Variants in NDST1 observed in about 807,000 individuals in gnomAD.
NDST1 encodes the protein N-deacetylase and N-sulfotransferase 1.
NDST1 carries 35 observed loss-of-function variants against 92.8 expected under a neutral mutation model. That is an observed-to-expected ratio of 0.38 (90% CI 0.29 to 0.50). NDST1 has a LOEUF of 0.50. Among genes scored for constraint, NDST1 ranks in the 20% least tolerant of loss-of-function variants. NDST1 has a pLI of 0.94. For missense variants in NDST1, 822 were observed against 1,182.7 expected (o/e 0.69, Z 4.47); for synonymous variants, 493 against 500.3 (o/e 0.99, Z 0.19).
chr5:150,516,948 G>C (rs1324341812), intron 1 of NDST1, among the ~76,000 whole-genome samples: 5 of 151,844 alleles, frequency 3.3e-5, no homozygotes, highest in Admixed American at 2.6e-4. Context: ...TGACAGGCGT[G>C]AGCCACCACA....
chr5:150,545,255 C>T, intron 10 of NDST1, 57 bp from the exon 11 acceptor site: 1 of 1,598,626 alleles, frequency 6.3e-7, no homozygotes, highest in Non-Finnish European at 8.6e-7. Flanking sequence ...TGCTGCATTC[C>T]CTTAGCCCCC....
At chr5:150,542,419 A>G (rs1755286345) in intron 9 of NDST1, among the ~76,000 whole-genome samples, 1 of 152,202 alleles carries the variant, frequency 6.6e-6, no homozygotes, top group Non-Finnish European at 1.5e-5. Flanking sequence ...TTTCACATTA[A>G]CAGAACTGCA....
chr5:150,516,769 G>A (rs1753985628), intron 1 of NDST1, among the ~76,000 whole-genome samples: 1 of 152,186 alleles, frequency 6.6e-6, no homozygotes, highest in Non-Finnish European at 1.5e-5. Context: ...GGGTTCAAGT[G>A]ATTCTCTTGC....
Position 150,532,980 on chromosome 5 carries a change from C to T in NDST1, c.1044C>T (p.His348=). The part of the protein sequence containing the change: ...LFDTQNELRA[H]IPNFTFNLGY... ...ACACACAGAACGAACTACGCGCACACATCCCAAACTTCACCTTCAACCTGG... is the reference window on the plus strand; with the variant it reads ...ACACACAGAACGAACTACGCGCACATATCCCAAACTTCACCTTCAACCTGG... Residue 348 remains histidine (H), a synonymous_variant, in exon 4 of 15, where the codon CAC becomes CAT. Transcript: ENST00000261797. 6.2e-7 allele frequency: 1 copy of T among 1,614,244 alleles called. No individual in the cohort carries two copies. Among genetic ancestry groups the T allele is most frequent in the Non-Finnish European group, 8.5e-7 (1 of 1,180,042 alleles).
chr5:150,541,973 C>G (rs1208745878), intron 9 of NDST1, among the ~76,000 whole-genome samples: 2 of 152,138 alleles, frequency 1.3e-5, no homozygotes, highest in Non-Finnish European at 2.9e-5. Context: ...TTGAGTAATG[C>G]CAAGCAAAAC....
chr5:150,521,410 C>T lies in NDST1; in HGVS notation c.156C>T (p.Pro52=), dbSNP rs151284158. 6.5e-5 allele frequency: 105 copies of T among 1,613,156 alleles called. 1 individual carries two copies. Among genetic ancestry groups the T allele is most frequent in the Middle Eastern group, 3.3e-4 (2 of 6,060 alleles). ...GCCTGGAGCCCTCGGCGGATGCCCC[C>T]GAGCCTGACTGCGGGGACCCGCCGC... ...KRGLEPSADA[P]EPDCGDPPPV... The change falls in exon 2 of 15, where the codon CCC becomes CCT. Residue 52 remains proline, a synonymous_variant. Coordinates refer to ENST00000261797, the MANE Select transcript of NDST1 (RefSeq NM_001543.5). The surrounding 1 kb of genome is among the most constrained non-coding windows in gnomAD (Gnocchi z 5.9).
At chr5:150,549,961 G>A (rs1755649900) in intron 13 of NDST1, among the ~76,000 whole-genome samples, 174 bp downstream of exon 13, 1 of 152,058 alleles carries the variant, frequency 6.6e-6, no homozygotes, top group African/African-American at 2.4e-5. Flanking sequence ...AAAAAAAAGG[G>A]AGATGATGAA....
At chr5:150,513,317 C>G (rs1191948311) in intron 1 of NDST1, among the ~76,000 whole-genome samples, 1 of 151,390 alleles carries the variant, frequency 6.6e-6, no homozygotes, top group African/African-American at 2.4e-5. Flanking sequence ...ATGGCGAAAC[C>G]CCGTCTCTAC....
rs138044854 is a variant in NDST1 at position 150,545,420 on chromosome 5, C to G, written c.2079C>G (p.Leu693=). The change falls in exon 11 of 15, where the codon CTC becomes CTG. Residue 693 remains leucine, a synonymous_variant. Transcript: ENST00000261797. The part of the protein sequence containing the change: ...SEVAPRRAAA[L]LPKAKVLTIL... ...TGGCGCCCCGGCGGGCAGCAGCCCT[C>G]TTGCCCAAAGCCAAGGTCCTGACCA... 7 of 1,614,248 alleles carry G rather than the reference C, an allele frequency of 4.3e-6. No individual in the cohort carries two copies. The highest frequency in any genetic ancestry group is 5.9e-6 in the Non-Finnish European group (7 of 1,180,046).
At chr5:150,541,483 G>T in intron 8 of NDST1, 87 bp from the exon 9 acceptor site, 2 of 1,152,230 alleles carry the variant, frequency 1.7e-6, no homozygotes, top group Middle Eastern at 1.9e-4. Context: ...TGCCCATTGG[G>T]CTGTAAGGGC....
intron 4 of NDST1, among the ~76,000 whole-genome samples, chr5:150,534,397 C>A (rs577106884): frequency 6.6e-6 from 1 of 152,226 alleles, no homozygotes; most frequent in Middle Eastern, 3.4e-3. Flanking sequence ...AACCACTGCA[C>A]CTGGTTGTTT....
chr5:150,514,111 C>T (rs754940820), intron 1 of NDST1, among the ~76,000 whole-genome samples: 1 of 152,226 alleles, frequency 6.6e-6, no homozygotes. Context: ...GGTTCCTCTG[C>T]AGGCTCTGGA....
chr5:150,524,334 T>C (rs1044791708), intron 2 of NDST1, among the ~76,000 whole-genome samples: 2 of 152,226 alleles, frequency 1.3e-5, no homozygotes, highest in African/African-American at 4.8e-5. Flanking sequence ...ACAGCAGTGG[T>C]AGCACTGTGT....
Position 150,553,062 on chromosome 5 carries a change from A to G in NDST1, c.2530-151A>G. ...TCCCATGTTGGCCAGGCTGGTCTTG[A>G]ACTCCTGACCTCAGGTGATCCACAT... On this transcript the variant is annotated intron_variant, in intron 14 of 14. Coordinates refer to ENST00000261797, the MANE Select transcript of NDST1 (RefSeq NM_001543.5). This position sits in a 1 kb window ranked among gnomAD's most constrained non-coding sequence, Gnocchi z 4.2. 1.3e-6 allele frequency: 1 copy of G among 750,708 alleles called. No individual in the cohort carries two copies. The highest frequency in any genetic ancestry group is 2.3e-6 in the Non-Finnish European group (1 of 441,924). 46.5% of individuals were successfully genotyped at this position (750,708 alleles called of 1,614,324 possible).
At chr5:150,505,635 T>C (rs945415479), upstream of NDST1, among the ~76,000 whole-genome samples, 1 of 152,158 alleles carries the variant, frequency 6.6e-6, no homozygotes, top group Non-Finnish European at 1.5e-5. Flanking sequence ...AGGTTATCGA[T>C]GGCAGGAAGC....
At chr5:150,535,597 C>T (rs1211545026) in intron 5 of NDST1, 103 bp from the exon 6 acceptor site, 9 of 1,424,860 alleles carry the variant, frequency 6.3e-6, no homozygotes, top group Non-Finnish European at 7.9e-6. Flanking sequence ...AGCAGCCATG[C>T]CGACCTAACC....
chr5:150,533,071 G>T (rs773458309), intron 4 of NDST1, 39 bp downstream of exon 4: 19 of 1,582,108 alleles, frequency 1.2e-5, no homozygotes. Context: ...GCAACTTCCA[G>T]GACTCCTCAG....
intron 12 of NDST1, among the ~76,000 whole-genome samples, chr5:150,549,011 GTATT>G (rs981719955): frequency 1.3e-5 from 2 of 151,780 alleles, no homozygotes; most frequent in Non-Finnish European, 2.9e-5. Context: ...GGCTGTTTAT[GTATT>G]TATTTATTTA....
chr5:150,545,575 G>A, intron 11 of NDST1, 89 bp downstream of exon 11: 2 of 1,510,674 alleles, frequency 1.3e-6, no homozygotes, highest in Non-Finnish European at 1.8e-6. Flanking sequence ...GATATTATTA[G>A]TAAGCACCTA....
Sources: gnomAD v4.1 joint callset for allele counts (sites outside exome capture counted in the v4.1 genomes callset) on GRCh38, gnomAD v4.1.1 for gene constraint, Gnocchi (gnomAD v3.1) non-coding constraint, MANE v1.5 for transcripts, NCBI Gene and HGNC (gene_info 2026-07-23, HGNC 2026-07-21) for gene names.